Variants in GALNT13 observed in about 807,000 individuals in gnomAD.
GALNT13 encodes polypeptide N-acetylgalactosaminyltransferase 13.
In GALNT13, 28 loss-of-function variants were observed where a neutral mutation model predicts 64.2. The ratio of observed to expected loss-of-function variants is 0.44; its 90% CI spans 0.32 to 0.60. The LOEUF (loss-of-function observed/expected upper bound fraction) is 0.60, where lower values mean the gene tolerates loss of function less well. GALNT13 is among the 20% of genes least tolerant of loss of function. The pLI is 0.05. For missense variants in GALNT13, 577 were observed against 669.8 expected (o/e 0.86, Z 1.53); for synonymous variants, 214 against 224.6 (o/e 0.95, Z 0.42).
At chr2:153,177,789 A>G in the GALNT13 span, among the ~76,000 whole-genome samples, 229 of 152,254 alleles carry the variant, frequency 1.5e-3, no homozygotes, top group African/African-American at 5.2e-3. Context: ...TATATTGATT[A>G]CACTGTATAA....
intron 12 of GALNT13, among the ~76,000 whole-genome samples, chr2:154,448,285 G>A (rs1371606418): frequency 6.6e-6 from 1 of 152,050 alleles, no homozygotes; most frequent in Non-Finnish European, 1.5e-5. Flanking sequence ...CATAAACAAT[G>A]TAGCCTAGAA....
At chr2:153,197,113 G>C in the GALNT13 span, among the ~76,000 whole-genome samples, 4 of 152,236 alleles carry the variant, frequency 2.6e-5, no homozygotes. Context: ...TCCGTGCTCA[G>C]GTCCCCAGAA....
chr2:153,941,404 T>C (rs1232671350), intron 2 of GALNT13, among the ~76,000 whole-genome samples: 1 of 152,158 alleles, frequency 6.6e-6, no homozygotes, highest in Non-Finnish European at 1.5e-5. Context: ...TTTGAAACAA[T>C]TAGGAAAAGG....
the GALNT13 span, among the ~76,000 whole-genome samples, chr2:153,104,539 T>C: frequency 6.6e-6 from 1 of 152,202 alleles, no homozygotes; most frequent in South Asian, 2.1e-4. Context: ...ATTCATTTGT[T>C]GTACATGTTT....
At chr2:154,067,266 G>T (rs1042070136) in intron 3 of GALNT13, among the ~76,000 whole-genome samples, 1 of 151,944 alleles carries the variant, frequency 6.6e-6, no homozygotes, top group African/African-American at 2.4e-5. Flanking sequence ...TGGCAAAATG[G>T]TGGGATTACA....
the GALNT13 span, among the ~76,000 whole-genome samples, chr2:153,123,463 G>A: frequency 1.3e-5 from 2 of 152,314 alleles, no homozygotes; most frequent in African/African-American, 4.8e-5. Flanking sequence ...TAAAGGACAA[G>A]ATTAAGGGTG....
At chr2:154,386,394 A>G (rs1298228236) in intron 9 of GALNT13, among the ~76,000 whole-genome samples, 4 of 152,058 alleles carry the variant, frequency 2.6e-5, no homozygotes, top group Non-Finnish European at 5.9e-5. Flanking sequence ...CTCATTGTCC[A>G]TATGTGGTGA....
the GALNT13 span, among the ~76,000 whole-genome samples, chr2:153,398,108 T>A: frequency 7.6e-6 from 1 of 132,112 alleles, no homozygotes; most frequent in Non-Finnish European, 1.6e-5. Context: ...GAGTGTGATA[T>A]TCCCCTTCCT....
intron 3 of GALNT13, among the ~76,000 whole-genome samples, chr2:154,011,888 A>G (rs1696662770): frequency 6.6e-6 from 1 of 152,058 alleles, no homozygotes; most frequent in Non-Finnish European, 1.5e-5. Flanking sequence ...GCAACTTCTG[A>G]TATTTTTAAT....
At chr2:153,150,196 T>C in the GALNT13 span, among the ~76,000 whole-genome samples, 1 of 152,062 alleles carries the variant, frequency 6.6e-6, no homozygotes, top group Admixed American at 6.6e-5. Flanking sequence ...ACACCTTTGA[T>C]GTCAGGGATA....
At chr2:153,248,469 T>C in the GALNT13 span, among the ~76,000 whole-genome samples, 1 of 151,670 alleles carries the variant, frequency 6.6e-6, no homozygotes, top group Non-Finnish European at 1.5e-5. Flanking sequence ...AACCGCTTGA[T>C]TATTTTAATA....
the GALNT13 span, among the ~76,000 whole-genome samples, chr2:153,681,548 G>A: frequency 2.5e-4 from 38 of 151,710 alleles, no homozygotes; most frequent in African/African-American, 8.9e-4. Flanking sequence ...ATTTTAAAAA[G>A]CAACAGAAAG....
chr2:154,065,436 T>C (rs984125582), intron 3 of GALNT13, among the ~76,000 whole-genome samples: 3 of 152,182 alleles, frequency 2.0e-5, no homozygotes, highest in African/African-American at 7.2e-5. Flanking sequence ...TCCAGTGCTG[T>C]CCTGACTTCA....
the GALNT13 span, among the ~76,000 whole-genome samples, chr2:153,456,518 C>A: frequency 6.6e-6 from 1 of 152,122 alleles, no homozygotes; most frequent in East Asian, 1.9e-4. Flanking sequence ...GAAGTGGCTT[C>A]CTGAGAACAG....
chr2:154,118,927 G>T (rs1203083474), intron 3 of GALNT13, among the ~76,000 whole-genome samples: 1 of 151,936 alleles, frequency 6.6e-6, no homozygotes, highest in Non-Finnish European at 1.5e-5. Flanking sequence ...TTTCGCTATA[G>T]TTGTTGTTTT....
At position 154,417,513 on chromosome 2, in the gene GALNT13, A is replaced by ATTTTTTTTTTTTT. The variant is rs1387223429; in HGVS notation, c.1395+8434_1395+8435insTTTTTTTTTTTTT. ...CTTTTATTTATTTATTTATTTATTT[A>ATTTTTTTTTTTTT]TTTATTTATTTTTTTGAGGCGGAGT... On this transcript the variant is annotated intron_variant, in intron 11 of 12. Coordinates refer to ENST00000392825, the MANE Select transcript of GALNT13 (RefSeq NM_052917.4). Among the ~76,000 whole-genome samples the ATTTTTTTTTTTTT allele has an allele frequency of 5.6e-4, 73 of 130,336 alleles. 2 individuals carry two copies. Among genetic ancestry groups the ATTTTTTTTTTTTT allele is most frequent in the East Asian group, 3.9e-3 (17 of 4,352 alleles). The allele number at this position is 130,336 out of a possible 152,430, so 85.5% of individuals were successfully genotyped here.
At chr2:153,533,171 TC>T in the GALNT13 span, among the ~76,000 whole-genome samples, 1 of 152,208 alleles carries the variant, frequency 6.6e-6, no homozygotes, top group African/African-American at 2.4e-5. Context: ...TCTTTCATTT[TC>T]TGTAATTTGA....
the GALNT13 span, among the ~76,000 whole-genome samples, chr2:153,376,478 C>A: frequency 1.3e-5 from 2 of 152,078 alleles, no homozygotes; most frequent in Non-Finnish European, 2.9e-5. Flanking sequence ...AGAATGTATC[C>A]TTGTGGTTAA....
chr2:154,050,064 A>G (rs1699502227), intron 3 of GALNT13, among the ~76,000 whole-genome samples: 1 of 152,096 alleles, frequency 6.6e-6, no homozygotes, highest in Non-Finnish European at 1.5e-5. Flanking sequence ...ATTAGATTCA[A>G]TATTTATGTC....
Sources: allele counts gnomAD v4.1 joint callset (sites outside exome capture counted in the v4.1 genomes callset), GRCh38; gene constraint gnomAD v4.1.1; transcripts MANE v1.5; gene names NCBI Gene and HGNC (gene_info 2026-07-23, HGNC 2026-07-21).